Variants in CRISP1 observed in about 807,000 individuals in gnomAD.
CRISP1 encodes cysteine-rich secretory protein 1.
CRISP1 carries 44 observed loss-of-function variants against 33.1 expected under a neutral mutation model. That is an observed-to-expected ratio of 1.33 (90% CI 1.05 to 1.71). The LOEUF is 1.71. CRISP1 is among the 40% of genes most tolerant of loss of function. The pLI is 0.00. For missense variants in CRISP1, 390 were observed against 301.2 expected (o/e 1.29, Z -2.18); for synonymous variants, 103 against 98.7 (o/e 1.04, Z -0.26).
chr6:49,842,655 A>G (rs1391437592), intron 5 of CRISP1, among the ~76,000 whole-genome samples: 2 of 152,112 alleles, frequency 1.3e-5, no homozygotes, highest in African/African-American at 4.8e-5. Flanking sequence ...TGTTCAGTTC[A>G]TTCTGCTTGG....
At position 49,846,567 on chromosome 6, in the gene CRISP1, C is replaced by T. The variant is rs1173690299; in HGVS notation, c.388G>A (p.Glu130Lys). The T allele has an allele frequency of 6.2e-7, 1 of 1,613,638 alleles. No homozygotes were observed. The highest frequency in any genetic ancestry group is 8.5e-7 in the Non-Finnish European group (1 of 1,179,732). ...YSESTSFKHGEWTTTDDDITT... is the reference protein window; with the variant it reads ...YSESTSFKHGKWTTTDDDITT... ...ATGTCATCATCCGTTGTTGTCCATT[C>T]TCCATGTTTGAAACTTGTAGACTCA... is the stretch of plus-strand genomic sequence containing the variant. The change falls in exon 5 of 8, where the codon GAA (glutamate) becomes AAA (lysine). Residue 130 changes from glutamate to lysine, a missense_variant. Coordinates refer to ENST00000335847, the MANE Select transcript of CRISP1 (RefSeq NM_001131.3).
intron 5 of CRISP1, among the ~76,000 whole-genome samples, chr6:49,842,132 T>C (rs1463176142): frequency 6.6e-6 from 1 of 152,186 alleles, no homozygotes; most frequent in Non-Finnish European, 1.5e-5. Flanking sequence ...CTCCACACCA[T>C]ATGGCTTTTA....
In CRISP1 at chr6:49,840,926, A is replaced by ATT; in HGVS notation, c.504_505insAA (p.Tyr169AsnfsTer81). 1 of 1,613,898 alleles carries ATT rather than the reference A, an allele frequency of 6.2e-7. No homozygotes were observed. The highest frequency in any genetic ancestry group is 8.5e-7 in the Non-Finnish European group (1 of 1,179,840). Reference sequence around the variant, plus strand: ...TGACAATAGTGACAAACGTAGAGATATCGAGGTGATCCTTGTTGGCGGCAA... The same window carrying ATT: ...TGACAATAGTGACAAACGTAGAGATATTTCGAGGTGATCCTTGTTGGCGGCAA... On this transcript the variant is annotated frameshift_variant, in exon 6 of 8. Coordinates refer to ENST00000335847, the MANE Select transcript of CRISP1 (RefSeq NM_001131.3). LOFTEE classifies it high-confidence loss of function.
chr6:49,850,533 T>C (rs1052923767), intron 3 of CRISP1, among the ~76,000 whole-genome samples: 2 of 152,110 alleles, frequency 1.3e-5, no homozygotes, highest in Non-Finnish European at 2.9e-5. Context: ...GTAATTGTGG[T>C]TAACTCTTCA....
At chr6:49,839,272 CAAAAAAAAAAAA>C (rs60021006) in intron 6 of CRISP1, among the ~76,000 whole-genome samples, 111 of 54,888 alleles carry the variant, frequency 2.0e-3, no homozygotes, top group Admixed American at 4.0e-3. Flanking sequence ...TTCATATCTA[CAAAAAAAAAAAA>C]AAAAAAAAAA....
chr6:49,855,990 A>G (rs1263912586), intron 2 of CRISP1, among the ~76,000 whole-genome samples: 1 of 152,210 alleles, frequency 6.6e-6, no homozygotes, highest in Non-Finnish European at 1.5e-5. Context: ...TTTTATGACC[A>G]AACTATCTAT....
At chr6:49,860,858 G>T (rs753619887) in intron 1 of CRISP1, among the ~76,000 whole-genome samples, 2 of 151,734 alleles carry the variant, frequency 1.3e-5, no homozygotes, top group African/African-American at 2.4e-5. Context: ...CCAATAGGCC[G>T]AGTAACCAAG....
chr6:49,864,230 T>C (rs1771735493), intron 1 of CRISP1, among the ~76,000 whole-genome samples: 1 of 152,182 alleles, frequency 6.6e-6, no homozygotes, highest in Non-Finnish European at 1.5e-5. Flanking sequence ...GATTTGTTAA[T>C]AACTGCAGAG....
chr6:49,861,999 A>G (rs2127477166), intron 1 of CRISP1, among the ~76,000 whole-genome samples: 1 of 152,290 alleles, frequency 6.6e-6, no homozygotes, highest in South Asian at 2.1e-4. Context: ...TAACAAGACA[A>G]CATTGCCCAT....
Position 49,872,839 on chromosome 6 carries a change from C to A in CRISP1, c.-3+4170G>T, listed in dbSNP as rs539124413. ...TAGTTTGAAGTCAGGTAGCATGATG[C>A]CTCCAGCTTTGTTCTTTTGGCTTAG... is the stretch of plus-strand genomic sequence containing the variant. On this transcript the variant is annotated intron_variant, in intron 1 of 7. Coordinates refer to the CRISP1 transcript ENST00000505118. Among the ~76,000 whole-genome samples the A allele has an allele frequency of 2.6e-5, 4 of 152,214 alleles. No individual in the cohort carries two copies. The East Asian group carries it at 5.8e-4, about 22-fold the overall frequency.
chr6:49,865,827 G>A (rs1771786653), intron 1 of CRISP1, among the ~76,000 whole-genome samples: 1 of 152,104 alleles, frequency 6.6e-6, no homozygotes, highest in South Asian at 2.1e-4. Context: ...ACTGGCAGAT[G>A]GAAAGACTGC....
At chr6:49,836,464 T>A (rs1029649638) in intron 7 of CRISP1, among the ~76,000 whole-genome samples, 2 of 151,282 alleles carry the variant, frequency 1.3e-5, no homozygotes, top group African/African-American at 4.9e-5. Flanking sequence ...GCCTCCCGAG[T>A]AGCTGGGACT....
chr6:49,858,008 C>A (rs1307832522), intron 1 of CRISP1, among the ~76,000 whole-genome samples: 2 of 152,060 alleles, frequency 1.3e-5, no homozygotes, highest in Non-Finnish European at 2.9e-5. Flanking sequence ...GATAATAAAC[C>A]TGTATTTATT....
At chr6:49,853,729 A>G (rs1381568044) in intron 2 of CRISP1, among the ~76,000 whole-genome samples, 1 of 151,692 alleles carries the variant, frequency 6.6e-6, no homozygotes, top group Non-Finnish European at 1.5e-5. Flanking sequence ...CTTTCCTTTC[A>G]TCTCTATCTG....
chr6:49,845,106 C>T (rs1771117804), intron 5 of CRISP1, among the ~76,000 whole-genome samples: 1 of 152,112 alleles, frequency 6.6e-6, no homozygotes, highest in Admixed American at 6.6e-5. Context: ...TATTCTGTAC[C>T]TCTAACTTCC....
chr6:49,837,444 T>TC (rs1304864473), intron 7 of CRISP1, among the ~76,000 whole-genome samples: 1 of 151,358 alleles, frequency 6.6e-6, no homozygotes, highest in African/African-American at 2.4e-5. Context: ...CTGGTTGATT[T>TC]TTTTTTTTTT....
At chr6:49,870,044 G>T (rs771126019), upstream of CRISP1, among the ~76,000 whole-genome samples, 69 of 152,152 alleles carry the variant, frequency 4.5e-4, no homozygotes, top group Non-Finnish European at 7.6e-4. Context: ...CTACAGAACT[G>T]TGAGAAATAA....
chr6:49,869,856 C>G (rs1362968627), upstream of CRISP1, among the ~76,000 whole-genome samples: 2 of 152,128 alleles, frequency 1.3e-5, no homozygotes, highest in Non-Finnish European at 2.9e-5. Context: ...GGGCTCCATT[C>G]CCTTCAATCT....
At chr6:49,872,458 G>A (rs1157252143) in intron 1 of CRISP1, among the ~76,000 whole-genome samples, 1 of 152,132 alleles carries the variant, frequency 6.6e-6, no homozygotes, top group Non-Finnish European at 1.5e-5. Flanking sequence ...TGGTGTTTTA[G>A]ACATGAAGTC....
Sources: gnomAD v4.1 joint callset for allele counts (sites outside exome capture counted in the v4.1 genomes callset) on GRCh38, gnomAD v4.1.1 for gene constraint, MANE v1.5 for transcripts, NCBI Gene and HGNC (gene_info 2026-07-23, HGNC 2026-07-21) for gene names.